The following BACE2 variants were observed in gnomAD, a reference collection of about 807,000 sequenced individuals.
BACE2 encodes the protein beta-secretase 2, also known as 56 kDa aspartic-like protease.
BACE2 carries 17 observed loss-of-function variants against 46.2 expected under a neutral mutation model. That is an observed-to-expected ratio of 0.37 (90% CI 0.25 to 0.55). The LOEUF (loss-of-function observed/expected upper bound fraction) is 0.55. Among genes scored for constraint, BACE2 ranks in the 20% least tolerant of loss-of-function variants. The pLI is 0.82. For missense variants in BACE2, 595 were observed against 698.1 expected (o/e 0.85, Z 1.66); for synonymous variants, 277 against 295.9 (o/e 0.94, Z 0.66).
chr21:41,212,375 G>A (rs557244849), intron 1 of BACE2, among the ~76,000 whole-genome samples: 2 of 152,148 alleles, frequency 1.3e-5, no homozygotes, highest in African/African-American at 2.4e-5. Context: ...ATATCAGTAC[G>A]TTGGGAATAA....
intron 7 of BACE2, among the ~76,000 whole-genome samples, chr21:41,253,423 C>T (rs1987694288): frequency 7.4e-6 from 1 of 135,038 alleles, no homozygotes; most frequent in Non-Finnish European, 1.5e-5. Flanking sequence ...GCCTGGACGA[C>T]AGTGTGAGAC....
chr21:41,176,765 G>A (rs1018074295), intron 1 of BACE2: 3 of 152,158 alleles, frequency 2.0e-5, no homozygotes, highest in African/African-American at 4.8e-5. Context: ...GGTGCTGAAC[G>A]TGTGTTTTTG....
chr21:41,215,211 G>A (rs6517658), intron 1 of BACE2, among the ~76,000 whole-genome samples: 10,349 of 152,274 alleles, frequency 0.068, 1,128 homozygotes, highest in African/African-American at 0.23. Flanking sequence ...ATGCTTGACC[G>A]CAAAGGGGGA....
intron 1 of BACE2, among the ~76,000 whole-genome samples, chr21:41,198,810 A>T (rs1985833086): frequency 6.6e-6 from 1 of 152,038 alleles, no homozygotes; most frequent in South Asian, 2.1e-4. Flanking sequence ...TCACCCTTCT[A>T]GGCAACTTGG....
At chr21:41,239,765 A>G (rs1987236125) in intron 3 of BACE2, among the ~76,000 whole-genome samples, 1 of 152,250 alleles carries the variant, frequency 6.6e-6, no homozygotes, top group Non-Finnish European at 1.5e-5. Context: ...CACTGTCTGC[A>G]GAGCCAGGGC....
intron 1 of BACE2, among the ~76,000 whole-genome samples, chr21:41,204,231 G>T (rs1306435676): frequency 1.3e-5 from 2 of 152,158 alleles, no homozygotes; most frequent in South Asian, 2.1e-4. Flanking sequence ...AGTAGAGACA[G>T]GGTTTCAACA....
chr21:41,223,220 G>T (rs372563458), intron 1 of BACE2, among the ~76,000 whole-genome samples: 19 of 152,178 alleles, frequency 1.2e-4, no homozygotes, highest in African/African-American at 2.6e-4. Flanking sequence ...GCCAGGCATG[G>T]TGGTGCACGC....
chr21:41,221,149 G>A (rs1037092071), intron 1 of BACE2, among the ~76,000 whole-genome samples: 2 of 151,186 alleles, frequency 1.3e-5, no homozygotes, highest in Non-Finnish European at 2.9e-5. Context: ...CAAAGTTTTT[G>A]TGAACATGAT....
chr21:41,195,468 T>A (rs1232311831), intron 1 of BACE2, among the ~76,000 whole-genome samples: 2 of 152,180 alleles, frequency 1.3e-5, no homozygotes, highest in African/African-American at 4.8e-5. Context: ...AGCTGTGCAG[T>A]CAAATACAGA....
chr21:41,168,867 C>T (rs971447901), intron 1 of BACE2, among the ~76,000 whole-genome samples: 5 of 152,108 alleles, frequency 3.3e-5, no homozygotes, highest in African/African-American at 4.8e-5. Flanking sequence ...TGGAACTTGC[C>T]GCCTCCAATA....
chr21:41,250,176 G>A (rs906314762), intron 6 of BACE2, among the ~76,000 whole-genome samples: 1 of 152,158 alleles, frequency 6.6e-6, no homozygotes, highest in Middle Eastern at 3.2e-3. Flanking sequence ...GTGTTCTAGT[G>A]TTACAAGAAG....
chr21:41,196,350 T>C (rs1985733618), intron 1 of BACE2, among the ~76,000 whole-genome samples: 1 of 150,728 alleles, frequency 6.6e-6, no homozygotes, highest in South Asian at 2.1e-4. Flanking sequence ...AGAAATCCAA[T>C]TCTGGAAGTC....
chr21:41,265,665 A>T (rs78965447), intron 8 of BACE2, among the ~76,000 whole-genome samples: 1,689 of 152,166 alleles, frequency 0.011, 23 homozygotes, highest in African/African-American at 0.035. Flanking sequence ...TTTTGTATTA[A>T]TTTGTAGGAA....
At chr21:41,223,029 T>C (rs1986703795) in intron 1 of BACE2, among the ~76,000 whole-genome samples, 1 of 152,172 alleles carries the variant, frequency 6.6e-6, no homozygotes, top group African/African-American at 2.4e-5. Context: ...CTGGACCTGC[T>C]GTAACTAAGT....
At chr21:41,210,047 G>A (rs1986250007) in intron 1 of BACE2, among the ~76,000 whole-genome samples, 1 of 152,022 alleles carries the variant, frequency 6.6e-6, no homozygotes, top group Non-Finnish European at 1.5e-5. Flanking sequence ...CAGCTGCAGA[G>A]GTAGTGACAG....
chr21:41,206,739 T>G (rs1986138600), intron 1 of BACE2, among the ~76,000 whole-genome samples: 1 of 152,238 alleles, frequency 6.6e-6, no homozygotes, highest in Non-Finnish European at 1.5e-5. Flanking sequence ...TGAATGTACT[T>G]AACGCCATTG....
At chr21:41,200,068 T>C (rs987687877) in intron 1 of BACE2, among the ~76,000 whole-genome samples, 1 of 150,218 alleles carries the variant, frequency 6.7e-6, no homozygotes, top group Non-Finnish European at 1.5e-5. Context: ...AGGAATAGCA[T>C]TAGGAGATAT....
intron 1 of BACE2, among the ~76,000 whole-genome samples, chr21:41,209,564 C>G (rs191140038): frequency 6.6e-6 from 1 of 152,186 alleles, no homozygotes; most frequent in Non-Finnish European, 1.5e-5. Context: ...CCGCACTACC[C>G]CTCTTTAAGT....
intron 1 of BACE2, among the ~76,000 whole-genome samples, chr21:41,224,209 A>ATTTTTTTTTTTTTTTTTTTTTTTTTTTT (rs10658440): frequency 3.0e-5 from 3 of 98,906 alleles, no homozygotes; most frequent in African/African-American, 4.5e-5. Context: ...GCCTATTTTG[A>ATTTTTTTTTTTTTTTTTTTTTTTTTTTT]TTTTTTTTTT....
Sources: gnomAD v4.1 joint callset for allele counts (sites outside exome capture counted in the v4.1 genomes callset) on GRCh38, gnomAD v4.1.1 for gene constraint, MANE v1.5 for transcripts, NCBI Gene and HGNC (gene_info 2026-07-23, HGNC 2026-07-21) for gene names.